The following PBX4 variants were observed in gnomAD, a reference collection of about 807,000 sequenced individuals.
The protein encoded by PBX4 is PBX homeobox 4, also known as pre-B-cell leukemia transcription factor 4.
Under a neutral mutation model 35.1 loss-of-function variants are expected in PBX4, and 26 were observed. The ratio of observed to expected loss-of-function variants is 0.74; its 90% CI spans 0.54 to 1.03. The LOEUF is 1.03. PBX4 is among the 50% of genes least tolerant of loss of function. The pLI, the probability that PBX4 is intolerant of heterozygous loss-of-function variation, is 0.00. For missense variants in PBX4, 448 were observed against 504.3 expected, an observed-to-expected ratio of 0.89 and a Z score of 1.07; for synonymous variants, 199 against 204.2, an observed-to-expected ratio of 0.97 and a Z score of 0.22.
chr19:19,600,043 G>A (rs547604206), intron 1 of PBX4, among the ~76,000 whole-genome samples: 8 of 151,990 alleles, frequency 5.3e-5, no homozygotes, highest in Non-Finnish European at 1.0e-4. Context: ...TCAGGTGGGT[G>A]AGGCAGGAGA....
At chr19:19,567,305 G>A (rs1292792634) in intron 5 of PBX4, among the ~76,000 whole-genome samples, 1 of 152,216 alleles carries the variant, frequency 6.6e-6, no homozygotes. Flanking sequence ...AGCAGATCCC[G>A]ATGAGCAAAG....
At chr19:19,570,909 G>A (rs2061379089) in intron 2 of PBX4, 76 bp from the exon 3 acceptor site, 1 of 1,559,504 alleles carries the variant, frequency 6.4e-7, no homozygotes, top group South Asian at 1.2e-5. Flanking sequence ...TGTGAGCACT[G>A]GTGTTATGTC....
At chr19:19,600,636 T>C (rs2061591636) in intron 1 of PBX4, among the ~76,000 whole-genome samples, 1 of 151,518 alleles carries the variant, frequency 6.6e-6, no homozygotes, top group Non-Finnish European at 1.5e-5. Context: ...CTGGCCAACA[T>C]GGTGAAACCC....
At chr19:19,599,770 C>A (rs919492557) in intron 1 of PBX4, among the ~76,000 whole-genome samples, 1 of 150,054 alleles carries the variant, frequency 6.7e-6, no homozygotes, top group South Asian at 2.1e-4. Context: ...GTCAGGAGTT[C>A]GAGACCAGCC....
chr19:19,588,135 T>C (rs1442400815), intron 2 of PBX4: 2 of 1,128,886 alleles, frequency 1.8e-6, no homozygotes, highest in Non-Finnish European at 2.7e-6. Context: ...GAAGAGGTCT[T>C]AGAGCTCCCC....
chr19:19,616,322 C>T (rs916209489), intron 1 of PBX4, among the ~76,000 whole-genome samples: 17 of 152,046 alleles, frequency 1.1e-4, no homozygotes, highest in Non-Finnish European at 2.9e-5. Context: ...ATCCAGATGA[C>T]AAAAACAAAA....
intron 5 of PBX4, among the ~76,000 whole-genome samples, chr19:19,568,545 C>T (rs1258680427): frequency 1.3e-5 from 2 of 149,024 alleles, no homozygotes; most frequent in Non-Finnish European, 3.0e-5. Context: ...GGAACTCACA[C>T]TCCATCTGTA....
At position 19,562,109 on chromosome 19, in the gene PBX4, A is replaced by C. The variant is rs760836249; in HGVS notation, c.1041T>G (p.Gly347=). The C allele has an allele frequency of 1.2e-6, 2 of 1,610,376 alleles. No individual in the cohort carries two copies. The highest frequency in any genetic ancestry group is 3.4e-5 in the Admixed American group (2 of 59,508). Residue 347 remains glycine, a synonymous_variant, in exon 8 of 8, where the codon GGT becomes GGG. Transcript: ENST00000251203. The surrounding 1 kb of genome is among the most constrained non-coding windows in gnomAD (Gnocchi z 4.8). Reference sequence around the variant, plus strand: ...GTTGGGGGGTGGCCCCCTGCCAGCTACCCTGGGCCTGAAACGACAGAGACT... The same window carrying C: ...GTTGGGGGGTGGCCCCCTGCCAGCTCCCCTGGGCCTGAAACGACAGAGACT... ...GGGCLQSQAQ[G]SWQGATPQPA...
chr19:19,561,970 C>A lies in PBX4; in HGVS notation c.*55G>T, dbSNP rs749827879. The stretch of plus-strand genomic sequence containing the variant: ...GGCGGCACGTTCAGTAACAAAGCAA[C>A]GGCTGGCGATACATGGCAGCTCACG... On this transcript the variant is annotated 3_prime_UTR_variant, in exon 8 of 8. Coordinates refer to ENST00000251203, the MANE Select transcript of PBX4 (RefSeq NM_025245.3). The A allele has an allele frequency of 6.8e-7, 1 of 1,475,862 alleles. No homozygotes were observed. Among genetic ancestry groups the A allele is most frequent in the South Asian group, 1.2e-5 (1 of 82,248 alleles). 91.4% of individuals were successfully genotyped at this position (1,475,862 alleles called of 1,614,324 possible).
chr19:19,609,720 G>A (rs1196795922), intron 1 of PBX4, among the ~76,000 whole-genome samples: 1 of 151,752 alleles, frequency 6.6e-6, no homozygotes, highest in Admixed American at 6.6e-5. Context: ...GCGTGGTGGC[G>A]GGTGCCTGTA....
At position 19,563,103 on chromosome 19, in the gene PBX4, G is replaced by T. The variant is rs574161213; in HGVS notation, c.1032+406C>A. The stretch of plus-strand genomic sequence containing the variant: ...ACGGTCCCCACTCGCTGCCTTCCCA[G>T]CCAAGCTGCGGCACTGAGGTCTGAG... On this transcript the variant is annotated intron_variant, in intron 7 of 7. Coordinates refer to ENST00000251203, the MANE Select transcript of PBX4 (RefSeq NM_025245.3). The surrounding 1 kb of genome is among the most constrained non-coding windows in gnomAD (Gnocchi z 5.1). Among the ~76,000 whole-genome samples the T allele has an allele frequency of 2.6e-5, 4 of 152,258 alleles. No individual in the cohort carries two copies. Among genetic ancestry groups the T allele is most frequent in the African/African-American group, 7.2e-5 (3 of 41,546 alleles).
intron 2 of PBX4, among the ~76,000 whole-genome samples, chr19:19,573,079 G>A (rs1187800065): frequency 6.6e-6 from 1 of 151,984 alleles, no homozygotes; most frequent in African/African-American, 2.4e-5. Context: ...GCCAAGGTGG[G>A]TGGATCACCT....
intron 5 of PBX4, among the ~76,000 whole-genome samples, chr19:19,565,811 G>A (rs2061338192): frequency 6.6e-6 from 1 of 152,012 alleles, no homozygotes; most frequent in South Asian, 2.1e-4. Context: ...CCAGCTACTC[G>A]GGAGGCTGAG....
In PBX4 at chr19:19,562,063, C is replaced by T; in HGVS notation, c.1087G>A (p.Gly363Arg). Reference sequence around the variant, plus strand: ...CTGGAGTTGATGCTGCCAGGGTCTCCAGCAGGTGAGGCAGTTGCAGGTTGG... The same window carrying T: ...CTGGAGTTGATGCTGCCAGGGTCTCTAGCAGGTGAGGCAGTTGCAGGTTGG... Reference protein sequence around the residue: ...TPQPATASPAGDPGSINSSTS... With the variant: ...TPQPATASPARDPGSINSSTS... The change falls in exon 8 of 8, where the codon GGA (glycine) becomes AGA (arginine). Residue 363 changes from glycine to arginine, a missense_variant. Transcript: ENST00000251203. This position sits in a 1 kb window ranked among gnomAD's most constrained non-coding sequence, Gnocchi z 4.8. 2 of 1,613,318 alleles carry T rather than the reference C, an allele frequency of 1.2e-6. No individual in the cohort carries two copies. Among genetic ancestry groups the T allele is most frequent in the Non-Finnish European group, 1.7e-6 (2 of 1,179,762 alleles).
intron 6 of PBX4, among the ~76,000 whole-genome samples, chr19:19,564,564 A>AT (rs1391030964): frequency 2.0e-5 from 3 of 151,532 alleles, no homozygotes; most frequent in Admixed American, 1.3e-4. Flanking sequence ...TGCCGGGCTA[A>AT]TTTTTTTTGT....
At chr19:19,593,232 C>A (rs926441072) in intron 2 of PBX4, among the ~76,000 whole-genome samples, 8 of 152,184 alleles carry the variant, frequency 5.3e-5, no homozygotes, top group Admixed American at 5.2e-4. Flanking sequence ...GCTTTAAATG[C>A]TCTGTGGAAG....
At chr19:19,584,631 T>G (rs1432858670) in intron 2 of PBX4, among the ~76,000 whole-genome samples, 2 of 150,314 alleles carry the variant, frequency 1.3e-5, no homozygotes, top group African/African-American at 4.9e-5. Context: ...TGGTTTTTTT[T>G]TTTTTTTTTT....
chr19:19,581,406 G>T (rs1313688224), intron 2 of PBX4, among the ~76,000 whole-genome samples: 2 of 152,254 alleles, frequency 1.3e-5, no homozygotes, highest in East Asian at 3.9e-4. Context: ...AACTCTCAGG[G>T]CCCGTAAGAG....
intron 1 of PBX4, among the ~76,000 whole-genome samples, chr19:19,602,056 G>A (rs1224864044): frequency 2.0e-5 from 3 of 151,248 alleles, no homozygotes; most frequent in Non-Finnish European, 3.0e-5. Context: ...CCCAGGCTGC[G>A]CTCAGCCAAG....
Sources: gnomAD v4.1 joint callset for allele counts (sites outside exome capture counted in the v4.1 genomes callset) on GRCh38, gnomAD v4.1.1 for gene constraint, Gnocchi (gnomAD v3.1) non-coding constraint, MANE v1.5 for transcripts, NCBI Gene and HGNC (gene_info 2026-07-23, HGNC 2026-07-21) for gene names.